Variants in BTG4 observed in about 807,000 individuals in gnomAD.
BTG4 encodes BTG anti-proliferation factor 4.
BTG4 carries 10 observed loss-of-function variants against 19.3 expected under a neutral mutation model. That is an observed-to-expected ratio of 0.52 (90% CI 0.32 to 0.88). BTG4 has a LOEUF of 0.88. BTG4 is among the 40% of genes least tolerant of loss of function. The pLI is 0.04. For missense variants in BTG4, 238 were observed against 281.9 expected (o/e 0.84, Z 1.11); for synonymous variants, 91 against 95.7 (o/e 0.95, Z 0.29).
At chr11:111,410,394 A>G in the BTG4 span, among the ~76,000 whole-genome samples, 3 of 152,128 alleles carry the variant, frequency 2.0e-5, no homozygotes. Context: ...AATCCAACCC[A>G]TGAGCCCTCT....
At chr11:111,411,661 T>G in the BTG4 span, among the ~76,000 whole-genome samples, 1 of 152,242 alleles carries the variant, frequency 6.6e-6, no homozygotes, top group Non-Finnish European at 1.5e-5. Flanking sequence ...GGTTGGGTTC[T>G]GCACTTGTAA....
the BTG4 span, among the ~76,000 whole-genome samples, chr11:111,419,996 C>CA: frequency 3.3e-5 from 5 of 152,172 alleles, no homozygotes; most frequent in African/African-American, 1.2e-4. Flanking sequence ...GTTGCTGACT[C>CA]AGCACCAGGC....
At chr11:111,409,744 TC>T in the BTG4 span, among the ~76,000 whole-genome samples, 8 of 152,210 alleles carry the variant, frequency 5.3e-5, no homozygotes, top group Non-Finnish European at 8.8e-5. Context: ...AGTATCCTCT[TC>T]CTAATGAAGG....
Position 111,512,250 on chromosome 11 carries a change from G to C in BTG4, c.-96C>G, listed in dbSNP as rs1335114503. ...TAGGCTGGGGGCCTTCTTGGGGAAT[G>C]AGGGAGTGGAGGAGCTCTTTGTCCC... On this transcript the variant is annotated 5_prime_UTR_variant, in exon 1 of 5. Transcript: ENST00000692032. 1 of 152,286 alleles carries C rather than the reference G, an allele frequency of 6.6e-6. No individual in the cohort carries two copies. The highest frequency in any genetic ancestry group is 1.5e-5 in the Non-Finnish European group (1 of 68,084). 9.4% of individuals were successfully genotyped at this position (152,286 alleles called of 1,614,324 possible). A position where few individuals can be genotyped will look rare whatever the true frequency, so the allele number is the denominator to read the frequency against.
intron 5 of BTG4, among the ~76,000 whole-genome samples, chr11:111,480,623 A>C (rs954717091): frequency 1.3e-5 from 2 of 151,970 alleles, no homozygotes; most frequent in Non-Finnish European, 2.9e-5. Flanking sequence ...CAACCAGAAC[A>C]GAACCAAATT....
chr11:111,437,738 T>C, the BTG4 span, among the ~76,000 whole-genome samples: 1 of 152,180 alleles, frequency 6.6e-6, no homozygotes, highest in Non-Finnish European at 1.5e-5. Context: ...CCTCCACTCC[T>C]AGGCGACACT....
chr11:111,459,634 A>G, the BTG4 span: 1 of 152,640 alleles, frequency 6.6e-6, no homozygotes, highest in African/African-American at 2.4e-5. Flanking sequence ...ATGATGCGCT[A>G]TCCTGGGACA....
At chr11:111,405,530 A>G in the BTG4 span, among the ~76,000 whole-genome samples, 1 of 150,506 alleles carries the variant, frequency 6.6e-6, no homozygotes, top group Non-Finnish European at 1.5e-5. Context: ...CTGGGACACC[A>G]GGCAAGCTTT....
the BTG4 span, among the ~76,000 whole-genome samples, chr11:111,449,030 GC>G: frequency 6.6e-6 from 1 of 151,996 alleles, no homozygotes; most frequent in African/African-American, 2.4e-5. Context: ...CCTAGCCCAA[GC>G]CCTTCCAACT....
the BTG4 span, among the ~76,000 whole-genome samples, chr11:111,429,580 C>A: frequency 1.3e-5 from 2 of 152,142 alleles, no homozygotes; most frequent in Non-Finnish European, 2.9e-5. Context: ...TTGAGCAGAT[C>A]TAAAACTAAT....
the BTG4 span, among the ~76,000 whole-genome samples, chr11:111,425,753 C>A: frequency 9.9e-5 from 15 of 152,126 alleles, no homozygotes; most frequent in East Asian, 5.8e-4. Context: ...GATCTGAGGG[C>A]GGGCACAGTG....
At chr11:111,503,483 A>G (rs1240689393) in intron 1 of BTG4, among the ~76,000 whole-genome samples, 2 of 152,328 alleles carry the variant, frequency 1.3e-5, no homozygotes, top group East Asian at 1.9e-4. Context: ...AATTCTCATT[A>G]TAAGACATTT....
chr11:111,386,406 A>G, the BTG4 span: 1 of 152,364 alleles, frequency 6.6e-6, no homozygotes, highest in East Asian at 1.9e-4. Flanking sequence ...CAACTCAGAC[A>G]TGGACTAGTG....
the BTG4 span, chr11:111,451,177 A>C: frequency 3.6e-6 from 1 of 276,894 alleles, no homozygotes; most frequent in Non-Finnish European, 7.6e-6. Context: ...TGGAGGCCCT[A>C]GAGAGGAAAT....
the BTG4 span, chr11:111,452,620 C>T: frequency 4.6e-5 from 7 of 152,374 alleles, no homozygotes; most frequent in Admixed American, 6.5e-5. Context: ...ACAAGACCAC[C>T]TCTCCAATCC....
the BTG4 span, among the ~76,000 whole-genome samples, chr11:111,415,673 G>A: frequency 1.3e-5 from 2 of 152,190 alleles, no homozygotes; most frequent in African/African-American, 4.8e-5. Context: ...GCTGGGAGGG[G>A]AAGACATGGC....
downstream of BTG4, chr11:111,464,805 C>A (rs913850553): frequency 3.3e-5 from 5 of 152,194 alleles, no homozygotes; most frequent in African/African-American, 1.2e-4. Flanking sequence ...TCTCTACCCC[C>A]ACACTAAAGT....
chr11:111,397,577 T>C, the BTG4 span: 1 of 152,234 alleles, frequency 6.6e-6, no homozygotes, highest in African/African-American at 2.4e-5. Context: ...AAACATCACT[T>C]ACCCAGAGAG....
At chr11:111,508,773 A>G (rs548764870) in intron 1 of BTG4, among the ~76,000 whole-genome samples, 1 of 149,542 alleles carries the variant, frequency 6.7e-6, no homozygotes, top group East Asian at 1.9e-4. Flanking sequence ...TAAATAGAAT[A>G]TATAACACAA....
Sources: allele counts gnomAD v4.1 joint callset (sites outside exome capture counted in the v4.1 genomes callset), GRCh38; gene constraint gnomAD v4.1.1; transcripts MANE v1.5; gene names NCBI Gene and HGNC (gene_info 2026-07-23, HGNC 2026-07-21).